STAMBP: variants seen among roughly 807,000 people sequenced by gnomAD.
The protein encoded by STAMBP is STAM-binding protein.
In STAMBP, 31 loss-of-function variants were observed where a neutral mutation model predicts 50.7. The observed-to-expected ratio is 0.61, with a 90% CI of 0.46 to 0.83. The LOEUF is 0.83. Among genes scored for constraint, STAMBP ranks in the 40% least tolerant of loss-of-function variants. The pLI is 0.00. For missense variants in STAMBP, 472 were observed against 518.9 expected (o/e 0.91, Z 0.88); for synonymous variants, 211 against 192.4 (o/e 1.10, Z -0.80).
Position 73,834,269 on chromosome 2 carries a change from ATATATATATATATATAT to A in STAMBP, c.203+3211_203+3227del. Reference sequence around the variant, plus strand: ...TATATATATATATATATATATATATATATATATATATATATATAAAGTTTTTGACTCCCCAGAAACTT... The same window carrying A: ...TATATATATATATATATATATATATAAAAGTTTTTGACTCCCCAGAAACTT... On this transcript the variant is annotated intron_variant, in intron 2 of 9. Transcript: ENST00000394070. 3.9e-5 allele frequency among the ~76,000 whole-genome samples: 4 copies of A among 102,908 alleles called. 1 individual carries two copies. The highest frequency in any genetic ancestry group is 1.6e-4 in the African/African-American group (4 of 25,112). 67.5% of individuals were successfully genotyped at this position (102,908 alleles called of 152,430 possible).
downstream of STAMBP, among the ~76,000 whole-genome samples, chr2:73,867,882 T>C (rs534314892): frequency 1.3e-4 from 19 of 151,764 alleles, no homozygotes; most frequent in African/African-American, 4.1e-4. Context: ...CCCAGCACTT[T>C]AGGAGGCCGA....
At chr2:73,834,231 AAAAAAATATATATATATATATAT>A (rs1674384513) in intron 2 of STAMBP, among the ~76,000 whole-genome samples, 3 of 16,178 alleles carry the variant, frequency 1.9e-4, no homozygotes, top group Non-Finnish European at 3.4e-4. Context: ...AAAAAAAAAA[AAAAAAATATATATATATATATAT>A]ATATATATAT....
Position 73,860,097 on chromosome 2 carries a change from T to C in STAMBP, c.1164T>C (p.Ser388=). The C allele has an allele frequency of 2.5e-6, 4 of 1,613,450 alleles. No individual in the cohort carries two copies. Among genetic ancestry groups the C allele is most frequent in the African/African-American group, 1.3e-5 (1 of 74,398 alleles). The part of the protein sequence containing the change: ...KLTDHGLEEI[S]SCRQKGFHPH... ...CTGACCATGGACTAGAGGAGATTTC[T>C]TCCTGTCGCCAGAAAGGATTTCATC... The change falls in exon 9 of 10, where the codon TCT becomes TCC. Residue 388 remains serine (S), a synonymous_variant. Coordinates refer to ENST00000394070, the MANE Select transcript of STAMBP (RefSeq NM_213622.4).
intron 4 of STAMBP, among the ~76,000 whole-genome samples, chr2:73,846,908 C>A (rs545510518): frequency 6.6e-6 from 1 of 151,970 alleles, no homozygotes; most frequent in South Asian, 2.1e-4. Context: ...ATGGCGAAAC[C>A]CTGTCTCTAC....
rs75568202 is a variant in STAMBP at position 73,872,496 on chromosome 2, A to G, written c.*46-856A>G. On this transcript the variant is annotated intron_variant, in intron 10 of 10. Transcript: ENST00000409707. The stretch of plus-strand genomic sequence containing the variant: ...ACCTGCTGTGTGCAGAGCACTGTTC[A>G]AAGTACACAAGAAGTAGATGTTACG... Among the ~76,000 whole-genome samples the G allele has an allele frequency of 1.3e-3, 191 of 152,274 alleles. 2 individuals are homozygous for G. In the East Asian group the frequency reaches 0.033, roughly 26 times the overall value.
intron 7 of STAMBP, among the ~76,000 whole-genome samples, chr2:73,858,891 C>A (rs556042861): frequency 6.6e-6 from 1 of 151,236 alleles, no homozygotes; most frequent in East Asian, 1.9e-4. Context: ...AGTAGTCCCC[C>A]CCTTATCCTC....
intron 2 of STAMBP, among the ~76,000 whole-genome samples, chr2:73,838,790 G>T (rs998053962): frequency 6.6e-6 from 1 of 152,084 alleles, no homozygotes; most frequent in Admixed American, 6.5e-5. Context: ...TTGATTTGTG[G>T]GATTTAGAGT....
chr2:73,853,047 G>GC (rs1558585062), intron 7 of STAMBP, among the ~76,000 whole-genome samples: 1 of 151,808 alleles, frequency 6.6e-6, no homozygotes, highest in Non-Finnish European at 1.5e-5. Flanking sequence ...ATGAGCCACC[G>GC]CACCCGGCCA....
chr2:73,840,617 G>A (rs1675272471), intron 2 of STAMBP, among the ~76,000 whole-genome samples: 1 of 151,716 alleles, frequency 6.6e-6, no homozygotes, highest in South Asian at 2.1e-4. Flanking sequence ...GGTAGCAGGT[G>A]CCTCTAATCG....
At chr2:73,847,322 T>G in intron 4 of STAMBP, 65 bp from the exon 5 acceptor site, 1 of 1,523,568 alleles carries the variant, frequency 6.6e-7, no homozygotes, top group Non-Finnish European at 8.8e-7. Context: ...CTAAAAAGCC[T>G]TGTTCTCCTG....
At chr2:73,845,509 A>G (rs1447501281) in intron 4 of STAMBP, among the ~76,000 whole-genome samples, 1 of 152,218 alleles carries the variant, frequency 6.6e-6, no homozygotes, top group African/African-American at 2.4e-5. Context: ...CTATGTCTAG[A>G]GTGAGAATCA....
At chr2:73,829,988 A>G (rs565751909) in intron 1 of STAMBP, among the ~76,000 whole-genome samples, 5 of 152,300 alleles carry the variant, frequency 3.3e-5, no homozygotes, top group Admixed American at 6.5e-5. Flanking sequence ...CTGTAATGCA[A>G]TGTGTGTCAA....
At chr2:73,847,843 C>G in intron 5 of STAMBP, 90 bp downstream of exon 5, 1 of 1,478,794 alleles carries the variant, frequency 6.8e-7, no homozygotes, top group Non-Finnish European at 9.1e-7. Context: ...CCTCCCTGAT[C>G]CCACTCATTA....
rs2104541971 is a variant in STAMBP, at chr2:73,850,324, AG to A, written c.868-49del. The A allele has an allele frequency of 6.4e-7, 1 of 1,572,336 alleles. No individual in the cohort carries two copies. Among genetic ancestry groups the A allele is most frequent in the East Asian group, 2.3e-5 (1 of 43,620 alleles). ...TTCCACTGTCGGGATGGAGTGGAGC[AG>A]GGTTGCATGAGCACCAGGGAATTGT... On this transcript the variant is annotated intron_variant, in intron 6 of 9. Transcript: ENST00000394070. The surrounding 1 kb of genome is among the most constrained non-coding windows in gnomAD (Gnocchi z 4.3).
chr2:73,859,466 A>C, intron 8 of STAMBP, 100 bp downstream of exon 8: 1 of 900,512 alleles, frequency 1.1e-6, no homozygotes, highest in East Asian at 2.4e-5. Context: ...TCCTTTGTAA[A>C]ATACATAGAT....
intron 1 of STAMBP, among the ~76,000 whole-genome samples, chr2:73,830,524 G>T (rs966289256): frequency 6.6e-6 from 1 of 152,226 alleles, no homozygotes; most frequent in Admixed American, 6.5e-5. Flanking sequence ...AGTGCTGTGG[G>T]CGGAGCCCCC....
downstream of STAMBP, among the ~76,000 whole-genome samples, chr2:73,870,817 T>G (rs772811842): frequency 1.3e-5 from 2 of 152,194 alleles, no homozygotes; most frequent in African/African-American, 2.4e-5. Flanking sequence ...CCAGGCCCTG[T>G]GCCACGTTGA....
chr2:73,861,298 C>A (rs1678292304), intron 9 of STAMBP, among the ~76,000 whole-genome samples: 1 of 152,014 alleles, frequency 6.6e-6, no homozygotes, highest in Admixed American at 6.6e-5. Flanking sequence ...ACTATTTGTT[C>A]CCAAGTTTAG....
chr2:73,870,823 G>T (rs893564710), downstream of STAMBP, among the ~76,000 whole-genome samples: 1 of 152,156 alleles, frequency 6.6e-6, no homozygotes, highest in Non-Finnish European at 1.5e-5. Flanking sequence ...CCTGTGCCAC[G>T]TTGAACAGCT....
Sources: allele counts gnomAD v4.1 joint callset (sites outside exome capture counted in the v4.1 genomes callset), GRCh38; gene constraint gnomAD v4.1.1; non-coding constraint Gnocchi (gnomAD v3.1); transcripts MANE v1.5; gene names NCBI Gene and HGNC (gene_info 2026-07-23, HGNC 2026-07-21).